Variants in ZNF638 observed in about 807,000 individuals in gnomAD.
The protein encoded by ZNF638 is zinc finger protein 638.
Under a neutral mutation model 195.6 loss-of-function variants are expected in ZNF638, and 46 were observed. That is an observed-to-expected ratio of 0.24 (90% CI 0.19 to 0.30). The LOEUF is 0.30. Among genes scored for constraint, ZNF638 ranks in the 10% least tolerant of loss-of-function variants. The pLI is 1.00. For synonymous variants in ZNF638, 845 were observed against 772.0 expected, an observed-to-expected ratio of 1.09 and a Z score of -1.57; for missense variants, 2,440 against 2,325.3, an observed-to-expected ratio of 1.05 and a Z score of -1.01.
At chr2:71,334,910 G>C (rs893787488) in intron 1 of ZNF638, among the ~76,000 whole-genome samples, 3 of 150,678 alleles carry the variant, frequency 2.0e-5, no homozygotes, top group Admixed American at 6.6e-5. Flanking sequence ...GACAGAGCTA[G>C]ACTCCGTCTC....
At chr2:71,348,513 A>T (rs2670753) in intron 1 of ZNF638, 134,157 of 1,137,790 alleles carry the variant, frequency 0.12, 8,409 homozygotes, top group Non-Finnish European at 0.13. Context: ...GACAGCACCC[A>T]GTGCAACACA....
At chr2:71,408,328 TG>T in intron 20 of ZNF638, 81 bp downstream of exon 20, 1 of 1,461,164 alleles carries the variant, frequency 6.8e-7, no homozygotes, top group Non-Finnish European at 9.2e-7. Flanking sequence ...GTAGTCAAAC[TG>T]TTTCTGTGTT....
chr2:71,346,139 GTTTTA>G (rs2078847282), intron 1 of ZNF638, among the ~76,000 whole-genome samples: 1 of 152,162 alleles, frequency 6.6e-6, no homozygotes, highest in South Asian at 2.1e-4. Context: ...TTCTTTTGCT[GTTTTA>G]TTTTGGGGGA....
At chr2:71,346,525 T>G (rs2078852981) in intron 1 of ZNF638, among the ~76,000 whole-genome samples, 4 of 152,206 alleles carry the variant, frequency 2.6e-5, no homozygotes, top group Non-Finnish European at 5.9e-5. Context: ...CCTGTGCATG[T>G]TACTAATGAG....
At chr2:71,431,269 A>T in intron 25 of ZNF638, 58 bp from the exon 26 acceptor site, 1 of 1,448,848 alleles carries the variant, frequency 6.9e-7, no homozygotes, top group Non-Finnish European at 9.6e-7. Context: ...ATCCAATGTT[A>T]ACTTTACAAA....
Position 71,400,517 on chromosome 2 carries a change from A to G in ZNF638, c.2696A>G (p.Lys899Arg). 2 of 1,601,210 alleles carry G rather than the reference A, an allele frequency of 1.2e-6. No homozygotes were observed. The highest frequency in any genetic ancestry group is 1.7e-6 in the Non-Finnish European group (2 of 1,175,310). ...LEATENEPLN[K>R]ETEEMCVMLV... is the part of the protein sequence containing the mutation. Reference sequence around the variant, plus strand: ...GCCACAGAGAATGAACCACTTAACAAGGTCAGTTTTCATGTTTTATTTATT... The same window carrying G: ...GCCACAGAGAATGAACCACTTAACAGGGTCAGTTTTCATGTTTTATTTATT... Residue 899 changes from lysine (K) to arginine (R), a missense_variant and splice_region_variant, in exon 15 of 28, where the codon AAG becomes AGG. By Grantham distance (26) the Lys-to-Arg change is conservative. Around this residue, in one of 5 missense-constraint regions of ZNF638, gnomAD observed 1,883 missense variants for 1,739.1 expected, o/e 1.08. Transcript: ENST00000264447.
In ZNF638 at chr2:71,374,048, A is replaced by ACTCCTGGGCTCAGGTGATT. The variant is rs368930265; in HGVS notation, c.2265+4050_2265+4068dup. On this transcript the variant is annotated intron_variant, in intron 8 of 27. Coordinates refer to ENST00000264447, the MANE Select transcript of ZNF638 (RefSeq NM_014497.5). ...ACTTTGTTGCCCAAGGTGATCTCAC[A>ACTCCTGGGCTCAGGTGATT]CTCCTGGGCTCAGGTGATTCTCCTG... The ACTCCTGGGCTCAGGTGATT allele has an allele frequency of 6.6e-5, 10 of 151,290 alleles. 1 individual carries two copies. The highest frequency in any genetic ancestry group is 2.4e-4 in the African/African-American group (10 of 41,154). The allele number at this position is 151,290 out of a possible 1,614,324, so 9.4% of individuals were successfully genotyped here.
chr2:71,386,388 A>G (rs1220888126), intron 10 of ZNF638, among the ~76,000 whole-genome samples: 1 of 152,102 alleles, frequency 6.6e-6, no homozygotes, highest in Non-Finnish European at 1.5e-5. Context: ...ATATACAAGT[A>G]CACATATGTT....
intron 17 of ZNF638, among the ~76,000 whole-genome samples, chr2:71,405,096 TC>T (rs1443871539): frequency 6.6e-6 from 1 of 152,178 alleles, no homozygotes; most frequent in Non-Finnish European, 1.5e-5. Flanking sequence ...AAGTCCAAGT[TC>T]CTTTGCCGCA....
chr2:71,385,774 T>A (rs2079624732), intron 10 of ZNF638, among the ~76,000 whole-genome samples: 3 of 152,196 alleles, frequency 2.0e-5, no homozygotes, highest in Admixed American at 1.3e-4. Context: ...CTCTCCTTTT[T>A]TCATACAACT....
intron 13 of ZNF638, 111 bp downstream of exon 13, chr2:71,399,756 G>A: frequency 4.8e-6 from 4 of 826,162 alleles, no homozygotes; most frequent in Admixed American, 2.7e-5. Flanking sequence ...TGTCATGGGG[G>A]TTTGTTGTAC....
intron 3 of ZNF638, 65 bp from the exon 4 acceptor site, chr2:71,363,088 A>G (rs984048738): frequency 3.1e-5 from 36 of 1,174,726 alleles, no homozygotes; most frequent in Non-Finnish European, 4.0e-5. Flanking sequence ...TATTACAGGT[A>G]AAGATTAATT....
intron 10 of ZNF638, among the ~76,000 whole-genome samples, chr2:71,382,950 A>G (rs896078788): frequency 1.3e-5 from 2 of 152,200 alleles, no homozygotes; most frequent in South Asian, 4.1e-4. Context: ...ATTTGTGGGT[A>G]TGATATTTAT....
Position 71,431,393 on chromosome 2 carries a change from C to G in ZNF638, c.5717C>G (p.Ser1906Cys), listed in dbSNP as rs747331809. The G allele has an allele frequency of 3.7e-6, 6 of 1,614,038 alleles. No homozygotes were observed. In the African/African-American group the frequency reaches 6.7e-5, roughly 18 times the overall value. The part of the protein sequence containing the change: ...ERKRKKTEDS[S>C]SGKSVASDVP... ...AAACGCAAGAAGACTGAAGACTCTT[C>G]TTCAGGCAAATCAGTGGCGTCTGAT... is the stretch of plus-strand genomic sequence containing the variant. The change falls in exon 26 of 28, where the codon TCT (serine) becomes TGT (cysteine). Residue 1906 changes from serine to cysteine, a missense_variant. Ser to Cys is a moderately radical substitution (Grantham distance 112, BLOSUM62 -1). Coordinates refer to ENST00000264447, the MANE Select transcript of ZNF638 (RefSeq NM_014497.5).
rs1003129243 is a variant in ZNF638, at chr2:71,406,413, G to A, written c.3135+151G>A. 12 of 714,168 alleles carry A rather than the reference G, an allele frequency of 1.7e-5. No individual in the cohort carries two copies. In the African/African-American group the frequency reaches 2.1e-4, roughly 13 times the overall value. The allele number at this position is 714,168 out of a possible 1,614,324, so 44.2% of individuals were successfully genotyped here. A position where few individuals can be genotyped will look rare whatever the true frequency, so the allele number is the denominator to read the frequency against. On this transcript the variant is annotated intron_variant, in intron 19 of 27. Coordinates refer to ENST00000264447, the MANE Select transcript of ZNF638 (RefSeq NM_014497.5). Reference sequence around the variant, plus strand: ...ATTATAAACCAGAATATTTTATTTTGGACTGGGCCGAGAAAGAAGAGATGA... The same window carrying A: ...ATTATAAACCAGAATATTTTATTTTAGACTGGGCCGAGAAAGAAGAGATGA...
intron 1 of ZNF638, among the ~76,000 whole-genome samples, chr2:71,346,741 T>G (rs1178927773): frequency 6.6e-6 from 1 of 152,202 alleles, no homozygotes; most frequent in South Asian, 2.1e-4. Context: ...TAAAGGTTAT[T>G]GAATGCCGGG....
At chr2:71,402,150 ATT>A in intron 16 of ZNF638, 63 bp downstream of exon 16, 6 of 1,496,566 alleles carry the variant, frequency 4.0e-6, no homozygotes, top group Non-Finnish European at 4.5e-6. Context: ...AAAACATTAA[ATT>A]TACAAAACTA....
chr2:71,417,085 G>A (rs954766438), intron 20 of ZNF638, among the ~76,000 whole-genome samples: 9 of 126,146 alleles, frequency 7.1e-5, no homozygotes, highest in Non-Finnish European at 1.3e-4. Flanking sequence ...CCTCGTTGCC[G>A]CCTTGCAGTT....
intron 1 of ZNF638, among the ~76,000 whole-genome samples, chr2:71,333,521 A>G (rs866152794): frequency 6.6e-6 from 1 of 152,204 alleles, no homozygotes; most frequent in African/African-American, 2.4e-5. Flanking sequence ...AAAAAGGTTT[A>G]GGTACTGTAG....
Sources: gnomAD v4.1 joint callset for allele counts (sites outside exome capture counted in the v4.1 genomes callset) on GRCh38, gnomAD v4.1.1 for gene constraint, gnomAD v4.1.1 regional missense constraint, MANE v1.5 for transcripts, NCBI Gene and HGNC (gene_info 2026-07-23, HGNC 2026-07-21) for gene names.